The following KDSR variants were observed in gnomAD, a reference collection of about 807,000 sequenced individuals.
The protein encoded by KDSR is 3-dehydrosphinganine reductase.
A neutral mutation model predicts 41.3 loss-of-function variants in KDSR; 23 were observed. That is an observed-to-expected ratio of 0.56 (90% confidence interval 0.40 to 0.79). The LOEUF (loss-of-function observed/expected upper bound fraction) is 0.79, where lower values mean the gene tolerates loss of function less well. KDSR is among the 30% of genes least tolerant of loss of function. The pLI is 0.00. For missense variants in KDSR, 351 were observed against 416.8 expected (o/e 0.84, Z 1.37); for synonymous variants, 138 against 151.7 (o/e 0.91, Z 0.66).
chr18:63,335,367 G>T lies in KDSR; in HGVS notation c.778-9C>A. The T allele has an allele frequency of 1.3e-6, 2 of 1,572,404 alleles. No individual in the cohort carries two copies. Among genetic ancestry groups the T allele is most frequent in the Non-Finnish European group, 1.8e-6 (2 of 1,142,366 alleles). ...CTGTTGAAATTTCCTTGCTAAAAGAGAAGAAAAAGAAGAGAAAGAGGGAAT... is the reference window on the plus strand; with the variant it reads ...CTGTTGAAATTTCCTTGCTAAAAGATAAGAAAAAGAAGAGAAAGAGGGAAT... On this transcript the variant is annotated splice_polypyrimidine_tract_variant and intron_variant, in intron 8 of 9. Transcript: ENST00000645214.
chr18:63,363,078 T>C lies in KDSR; in HGVS notation c.109-210A>G, dbSNP rs183293269. ...AAGGCCTGCTGCTTTGACTGTTTTC[T>C]TATGGAACCATAAATTGCACACCTA... is the stretch of plus-strand genomic sequence containing the variant. On this transcript the variant is annotated intron_variant, in intron 1 of 9. Coordinates refer to ENST00000645214, the MANE Select transcript of KDSR (RefSeq NM_002035.4). Among the ~76,000 whole-genome samples, 298 of 152,340 alleles carry C rather than the reference T, an allele frequency of 2.0e-3. No individual in the cohort carries two copies. The highest frequency in any genetic ancestry group is 6.8e-3 in the Middle Eastern group (2 of 294).
At chr18:63,359,615 C>T (rs947556282) in intron 3 of KDSR, 121 bp downstream of exon 3, 2 of 684,282 alleles carry the variant, frequency 2.9e-6, no homozygotes, top group Non-Finnish European at 5.2e-6. Context: ...ACAATTCCAC[C>T]TTTTAAAAAA....
chr18:63,329,261 TA>T lies in KDSR; in HGVS notation c.*2520del. The T allele has an allele frequency of 4.8e-6, 1 of 210,152 alleles. No individual in the cohort carries two copies. The highest frequency in any genetic ancestry group is 9.7e-6 in the Non-Finnish European group (1 of 103,406). 13.0% of individuals were successfully genotyped at this position (210,152 alleles called of 1,614,324 possible). On this transcript the variant is annotated 3_prime_UTR_variant, in exon 10 of 10. Coordinates refer to ENST00000645214, the MANE Select transcript of KDSR (RefSeq NM_002035.4). The stretch of plus-strand genomic sequence containing the variant: ...TCAGAATTCATAATCTTTGGGGTTT[TA>T]AAAAGGCAATATGGGCATATTTTGA...
At chr18:63,366,764 C>G (rs889504041) in intron 1 of KDSR, 5 of 373,670 alleles carry the variant, frequency 1.3e-5, no homozygotes, top group African/African-American at 8.4e-5. Context: ...CTGCGGCCGG[C>G]GGGGTCCCCC....
Position 63,344,314 on chromosome 18 carries a change from T to C in KDSR, c.693+96A>G, listed in dbSNP as rs1406448187. The C allele has an allele frequency of 1.3e-5, 10 of 794,506 alleles. No homozygotes were observed. The East Asian group carries it at 2.3e-4, about 19-fold the overall frequency. The allele number at this position is 794,506 out of a possible 1,614,324, so 49.2% of individuals were successfully genotyped here. ...TAGGCACTCTACCCAACAAACATTG[T>C]TGATTGGTGAAAACGAGTGTGAGCT... On this transcript the variant is annotated intron_variant, in intron 7 of 9. Coordinates refer to ENST00000645214, the MANE Select transcript of KDSR (RefSeq NM_002035.4).
Position 63,330,387 on chromosome 18 carries a change from A to C in KDSR, c.*1395T>G. The C allele has an allele frequency of 4.4e-6, 1 of 228,278 alleles. No individual in the cohort carries two copies. Among genetic ancestry groups the C allele is most frequent in the Non-Finnish European group, 8.7e-6 (1 of 114,984 alleles). 14.1% of individuals were successfully genotyped at this position (228,278 alleles called of 1,614,324 possible). A position where few individuals can be genotyped will look rare whatever the true frequency, so the allele number is the denominator to read the frequency against. On this transcript the variant is annotated 3_prime_UTR_variant, in exon 10 of 10. Coordinates refer to ENST00000645214, the MANE Select transcript of KDSR (RefSeq NM_002035.4). The stretch of plus-strand genomic sequence containing the variant: ...CTCCTCAAGTCAGAGGAGTGTGAAC[A>C]ATGAGCAGGATGCAACGGGGAATGT...
At chr18:63,355,423 A>G (rs1914768480) in intron 4 of KDSR, 75 bp downstream of exon 4, 4 of 1,611,432 alleles carry the variant, frequency 2.5e-6, no homozygotes, top group Non-Finnish European at 3.4e-6. Context: ...GTCCATTCCA[A>G]GCCACATAGC....
At chr18:63,350,849 G>A (rs1487012304) in intron 6 of KDSR, 39 bp downstream of exon 6, 2 of 1,436,074 alleles carry the variant, frequency 1.4e-6, no homozygotes, top group Non-Finnish European at 9.7e-7. Flanking sequence ...ATATTGCTGA[G>A]CGGAGAGGAA....
At chr18:63,343,724 C>G (rs1467224605) in intron 7 of KDSR, among the ~76,000 whole-genome samples, 1 of 143,794 alleles carries the variant, frequency 7.0e-6, no homozygotes. Context: ...GGTAGAAAGT[C>G]AATAAATAAT....
rs1253935691 is a variant in KDSR at position 63,338,814 on chromosome 18, C to T, written c.763G>A (p.Val255Ile). ...CKPEQVAKQIVKDAIQGNFNS... is the reference protein window; with the variant it reads ...CKPEQVAKQIIKDAIQGNFNS... ...ATTTTACTTACTATGGCATCTTTAA[C>T]AATTTGTTTGGCCACCTGTTCTGGT... Residue 255 changes from valine (V) to isoleucine (I), a missense_variant, in exon 8 of 10, where the codon GTT (valine) becomes ATT (isoleucine). Transcript: ENST00000645214. The T allele has an allele frequency of 3.1e-6, 5 of 1,605,760 alleles. No individual in the cohort carries two copies. In the Admixed American group the frequency reaches 8.5e-5, roughly 27 times the overall value.
In KDSR at chr18:63,355,215, T is replaced by C. The variant is rs1914762774; in HGVS notation, c.406A>G (p.Ser136Gly). ...ACATTTTTACTTACTTCAAAGGTAC[T>C]AACTTCAAGATCTTCAAATTTTCCT... ...VSGKFEDLEV[S>G]TFERLMSINY... The change falls in exon 5 of 10, where the codon AGT becomes GGT. Residue 136 changes from serine (S) to glycine (G), a missense_variant. Ser to Gly is a moderately conservative substitution (Grantham distance 56). Transcript: ENST00000645214. The C allele has an allele frequency of 1.9e-6, 3 of 1,611,690 alleles. No homozygotes were observed. The highest frequency in any genetic ancestry group is 2.5e-6 in the Non-Finnish European group (3 of 1,177,784).
chr18:63,339,799 TTAGAAGTGTCAAATAATTTCAAG>T (rs1223385326), intron 7 of KDSR, among the ~76,000 whole-genome samples: 1 of 152,200 alleles, frequency 6.6e-6, no homozygotes, highest in Non-Finnish European at 1.5e-5. Flanking sequence ...TTAGTTTCAA[TTAGAAGTGTCAAATAATTTCAAG>T]TAGAAGTGTC....
intron 5 of KDSR, among the ~76,000 whole-genome samples, chr18:63,353,488 G>C (rs1007991059): frequency 6.6e-6 from 1 of 152,166 alleles, no homozygotes; most frequent in African/African-American, 2.4e-5. Context: ...AGCTGCAAGA[G>C]TCTCTGGGGT....
At chr18:63,333,043 G>A (rs948225095) in intron 9 of KDSR, among the ~76,000 whole-genome samples, 2 of 151,998 alleles carry the variant, frequency 1.3e-5, no homozygotes, top group African/African-American at 2.4e-5. Flanking sequence ...GGAAAGGTAC[G>A]TGGGGTAGGA....
chr18:63,342,598 T>G lies in KDSR; in HGVS notation c.693+1812A>C, dbSNP rs147942453. On this transcript the variant is annotated intron_variant, in intron 7 of 9. Coordinates refer to ENST00000645214, the MANE Select transcript of KDSR (RefSeq NM_002035.4). ...GAAAAGGCAAGAAAGGAAATGTCAC[T>G]ATAGAATGGTCCAAGTGTGCATAAT... is the stretch of plus-strand genomic sequence containing the variant. 2.3e-3 allele frequency among the ~76,000 whole-genome samples: 344 copies of G among 152,326 alleles called. 1 individual carries two copies. Among genetic ancestry groups the G allele is most frequent in the African/African-American group, 7.5e-3 (312 of 41,572 alleles).
At chr18:63,364,967 C>G (rs1228073948) in intron 1 of KDSR, among the ~76,000 whole-genome samples, 3 of 152,204 alleles carry the variant, frequency 2.0e-5, no homozygotes, top group Admixed American at 6.5e-5. Context: ...GGAGGAAGAT[C>G]TCTGACTCCA....
At chr18:63,354,615 C>T (rs1914747936) in intron 5 of KDSR, among the ~76,000 whole-genome samples, 1 of 152,140 alleles carries the variant, frequency 6.6e-6, no homozygotes, top group Non-Finnish European at 1.5e-5. Flanking sequence ...TTGCAGTGAG[C>T]TGAGATCACG....
intron 6 of KDSR, among the ~76,000 whole-genome samples, chr18:63,349,065 T>C (rs1914592420): frequency 6.6e-6 from 1 of 152,178 alleles, no homozygotes; most frequent in African/African-American, 2.4e-5. Context: ...TCACAACATC[T>C]CCCTCACATA....
chr18:63,344,756 C>A (rs1914447076), intron 6 of KDSR: 1 of 347,696 alleles, frequency 2.9e-6, no homozygotes, highest in African/African-American at 2.1e-5. Context: ...CAGTGTCTTC[C>A]ACTCCTGCTG....
Sources: gnomAD v4.1 joint callset for allele counts (sites outside exome capture counted in the v4.1 genomes callset) on GRCh38, gnomAD v4.1.1 for gene constraint, MANE v1.5 for transcripts, NCBI Gene and HGNC (gene_info 2026-07-23, HGNC 2026-07-21) for gene names.